KLHL14: variants seen among roughly 807,000 people sequenced by gnomAD.
KLHL14 encodes the protein kelch like family member 14.
In KLHL14, 22 loss-of-function variants were observed where a neutral mutation model predicts 64.3. That is an observed-to-expected ratio of 0.34 (90% confidence interval 0.24 to 0.49). The LOEUF (loss-of-function observed/expected upper bound fraction) is 0.49. Among genes scored for constraint, KLHL14 ranks in the 20% least tolerant of loss-of-function variants. The pLI, the probability that KLHL14 is intolerant of heterozygous loss-of-function variation, is 0.99. For missense variants in KLHL14, 661 were observed against 789.0 expected (o/e 0.84, Z 1.94); for synonymous variants, 322 against 333.4 (o/e 0.97, Z 0.37).
rs193004714 is a variant in KLHL14 at position 32,676,138 on chromosome 18, C to T, written c.1746+1035G>A. 2.6e-5 allele frequency among the ~76,000 whole-genome samples: 4 copies of T among 152,092 alleles called. No individual in the cohort carries two copies. The East Asian group carries it at 5.8e-4, about 22-fold the overall frequency. ...TGCTAAGAAAGAAAAAAGAAGTTAA[C>T]GAAAGAAATAAATAAAGGAAAAAGA... On this transcript the variant is annotated intron_variant, in intron 8 of 8. Coordinates refer to ENST00000359358, the MANE Select transcript of KLHL14 (RefSeq NM_020805.3).
At chr18:32,682,374 T>A (rs1746202616) in intron 5 of KLHL14, among the ~76,000 whole-genome samples, 1 of 152,114 alleles carries the variant, frequency 6.6e-6, no homozygotes, top group Admixed American at 6.5e-5. Flanking sequence ...ATGAAAACAG[T>A]GGCAGGGAGA....
chr18:32,744,491 A>G lies in KLHL14; in HGVS notation c.948-2442T>C, dbSNP rs971216428. 1.1e-4 allele frequency: 16 copies of G among 151,726 alleles called. 1 individual carries two copies. Among genetic ancestry groups the G allele is most frequent in the African/African-American group, 3.9e-4 (16 of 41,200 alleles). 9.4% of individuals were successfully genotyped at this position (151,726 alleles called of 1,614,324 possible). A position where few individuals can be genotyped will look rare whatever the true frequency, so the allele number is the denominator to read the frequency against. On this transcript the variant is annotated intron_variant, in intron 2 of 8. Transcript: ENST00000359358. Reference sequence around the variant, plus strand: ...AAACTCCATGTCAAAAAAAAAAAAAAAAATTAGCTAGGTGTGGTGGCACAT... The same window carrying G: ...AAACTCCATGTCAAAAAAAAAAAAAGAAATTAGCTAGGTGTGGTGGCACAT...
At chr18:32,715,441 A>G (rs2050040527) in intron 3 of KLHL14, among the ~76,000 whole-genome samples, 1 of 152,154 alleles carries the variant, frequency 6.6e-6, no homozygotes, top group Admixed American at 6.5e-5. Context: ...TAAAAGAGAA[A>G]GTCTTCCTCC....
rs576404639 is a variant in KLHL14 at position 32,673,115 on chromosome 18, G to A, written c.*1542C>T. 5.9e-5 allele frequency: 9 copies of A among 152,356 alleles called. No homozygotes were observed. The South Asian group carries it at 1.7e-3, about 28-fold the overall frequency. The allele number at this position is 152,356 out of a possible 1,614,324, so 9.4% of individuals were successfully genotyped here. ...ATTTATATATATATATTTTTACAACGGATCCTTTGGATCTGAACATACAAA... is the reference window on the plus strand; with the variant it reads ...ATTTATATATATATATTTTTACAACAGATCCTTTGGATCTGAACATACAAA... On this transcript the variant is annotated 3_prime_UTR_variant, in exon 9 of 9. Transcript: ENST00000359358.
At chr18:32,701,631 T>C (rs902397118) in intron 3 of KLHL14, among the ~76,000 whole-genome samples, 6 of 152,162 alleles carry the variant, frequency 3.9e-5, no homozygotes, top group Admixed American at 3.3e-4. Flanking sequence ...CAGGATGACA[T>C]AATCTGATTT....
intron 4 of KLHL14, 49 bp downstream of exon 4, chr18:32,695,414 T>A: frequency 1.8e-6 from 2 of 1,135,146 alleles, no homozygotes; most frequent in Non-Finnish European, 2.7e-6. Flanking sequence ...ATGCCCTTCA[T>A]TACACACATA....
At chr18:32,760,339 TAC>T (rs60814600) in intron 2 of KLHL14, among the ~76,000 whole-genome samples, 54,916 of 146,806 alleles carry the variant, frequency 0.37, 10,228 homozygotes, top group Middle Eastern at 0.42. Flanking sequence ...CACACAGACA[TAC>T]ACACACACAC....
intron 3 of KLHL14, among the ~76,000 whole-genome samples, chr18:32,728,953 GCTGAC>G (rs1442271939): frequency 1.3e-5 from 2 of 152,196 alleles, no homozygotes; most frequent in Non-Finnish European, 2.9e-5. Flanking sequence ...GCACGGCCCT[GCTGAC>G]ACCTTCATTT....
At chr18:32,700,594 A>G (rs953873327) in intron 3 of KLHL14, among the ~76,000 whole-genome samples, 14 of 152,130 alleles carry the variant, frequency 9.2e-5, no homozygotes, top group African/African-American at 3.4e-4. Flanking sequence ...ACTTAATAAT[A>G]TATTCATTCT....
chr18:32,742,099 T>G (rs779285411), intron 2 of KLHL14, 50 bp from the exon 3 acceptor site: 7 of 1,566,012 alleles, frequency 4.5e-6, no homozygotes, highest in Non-Finnish European at 4.3e-6. Context: ...CTGTAGAGTC[T>G]TTTTAGTGGC....
chr18:32,766,113 T>C (rs1050342309), intron 2 of KLHL14, among the ~76,000 whole-genome samples: 2 of 152,088 alleles, frequency 1.3e-5, no homozygotes, highest in Non-Finnish European at 2.9e-5. Flanking sequence ...TGAGCCTTTC[T>C]TTTTTCATAA....
Position 32,733,953 on chromosome 18 carries a change from T to C in KLHL14, c.1069+7975A>G, listed in dbSNP as rs1277049657. 7.1e-6 allele frequency: 4 copies of C among 562,436 alleles called. No homozygotes were observed. The East Asian group carries it at 1.1e-4, about 16-fold the overall frequency. The allele number at this position is 562,436 out of a possible 1,614,324, so 34.8% of individuals were successfully genotyped here. On this transcript the variant is annotated intron_variant, in intron 3 of 8. Transcript: ENST00000359358. ...GTGTGAGGGACCAGATAATTTCTCT[T>C]TAGTTTATTCATTCCGGGTCAAGAG...
intron 3 of KLHL14, among the ~76,000 whole-genome samples, chr18:32,736,685 C>T (rs2050168005): frequency 6.6e-6 from 1 of 152,188 alleles, no homozygotes; most frequent in East Asian, 1.9e-4. Flanking sequence ...CCTATAGATA[C>T]ACAAATTTAT....
At chr18:32,739,602 G>A (rs2050184542) in intron 3 of KLHL14, among the ~76,000 whole-genome samples, 1 of 150,900 alleles carries the variant, frequency 6.6e-6, no homozygotes, top group African/African-American at 2.4e-5. Context: ...ATTGAAAAAG[G>A]GTTCAAGATC....
At chr18:32,690,198 A>G (rs2049900551) in intron 4 of KLHL14, among the ~76,000 whole-genome samples, 1 of 152,194 alleles carries the variant, frequency 6.6e-6, no homozygotes, top group Non-Finnish European at 1.5e-5. Flanking sequence ...AGGGGATGAC[A>G]GACAGTGAAA....
chr18:32,752,778 C>CT (rs61338140), intron 2 of KLHL14, among the ~76,000 whole-genome samples: 19 of 95,400 alleles, frequency 2.0e-4, no homozygotes, highest in African/African-American at 6.9e-4. Flanking sequence ...AATGTGGGAA[C>CT]TTTTTTTTTT....
rs116600907 is a variant in KLHL14, at chr18:32,706,347, G to T, written c.1070-10795C>A. Among the ~76,000 whole-genome samples the T allele has an allele frequency of 7.2e-3, 1,096 of 152,308 alleles. 8 individuals are homozygous for T. The highest frequency in any genetic ancestry group is 0.026 in the African/African-American group (1,063 of 41,560). On this transcript the variant is annotated intron_variant, in intron 3 of 8. Coordinates refer to ENST00000359358, the MANE Select transcript of KLHL14 (RefSeq NM_020805.3). ...GAGGCCTAGAGTCATCTTTCCAGGA[G>T]GTTCTGCAATCTTGATTGCTGGGAA...
chr18:32,716,759 T>C (rs894873196), intron 3 of KLHL14, among the ~76,000 whole-genome samples: 2 of 152,232 alleles, frequency 1.3e-5, no homozygotes, highest in Non-Finnish European at 2.9e-5. Flanking sequence ...TGTACCTTCA[T>C]TTCATATAGT....
chr18:32,768,389 TGACA>T (rs764994218), intron 2 of KLHL14, among the ~76,000 whole-genome samples: 6 of 71,498 alleles, frequency 8.4e-5, no homozygotes, highest in African/African-American at 1.2e-4. Flanking sequence ...GGAAACATAA[TGACA>T]CACACACACA....
Sources: gnomAD v4.1 joint callset for allele counts (sites outside exome capture counted in the v4.1 genomes callset) on GRCh38, gnomAD v4.1.1 for gene constraint, MANE v1.5 for transcripts, NCBI Gene and HGNC (gene_info 2026-07-23, HGNC 2026-07-21) for gene names.